The following PCDH9 variants were observed in gnomAD, a reference collection of about 807,000 sequenced individuals.
PCDH9 encodes protocadherin 9.
A neutral mutation model predicts 70.6 loss-of-function variants in PCDH9; 24 were observed. The observed-to-expected ratio is 0.34, with a 90% CI of 0.25 to 0.48. The LOEUF (loss-of-function observed/expected upper bound fraction) is 0.48, where lower values mean the gene tolerates loss of function less well. PCDH9 is among the 20% of genes least tolerant of loss of function. The pLI, the probability that PCDH9 is intolerant of heterozygous loss-of-function variation, is 0.99. For missense variants in PCDH9, 1,281 were observed against 1,503.6 expected (o/e 0.85, Z 2.45); for synonymous variants, 562 against 558.5 (o/e 1.01, Z -0.09).
At chr13:66,506,435 C>T (rs1959215617) in intron 4 of PCDH9, among the ~76,000 whole-genome samples, 1 of 152,002 alleles carries the variant, frequency 6.6e-6, no homozygotes, top group Non-Finnish European at 1.5e-5. Context: ...TATAAGGTTC[C>T]CCAGAGACAG....
intron 3 of PCDH9, among the ~76,000 whole-genome samples, chr13:66,777,879 AC>A: frequency 6.6e-6 from 1 of 152,222 alleles, no homozygotes; most frequent in East Asian, 1.9e-4. Flanking sequence ...CTTGGAAACA[AC>A]CCAAATGTCC....
At chr13:66,626,510 T>G (rs1349966401) in intron 4 of PCDH9, among the ~76,000 whole-genome samples, 2 of 152,144 alleles carry the variant, frequency 1.3e-5, no homozygotes, top group African/African-American at 4.8e-5. Flanking sequence ...GATGAGACAA[T>G]GGACATATAA....
intron 4 of PCDH9, among the ~76,000 whole-genome samples, chr13:66,392,916 C>G (rs1957044242): frequency 6.8e-6 from 1 of 146,332 alleles, no homozygotes; most frequent in African/African-American, 2.5e-5. Flanking sequence ...GAAGGTAACA[C>G]TTTAAAAACC....
intron 3 of PCDH9, among the ~76,000 whole-genome samples, chr13:66,660,043 T>G (rs151160032): frequency 0.011 from 1,611 of 152,254 alleles, 29 homozygotes; most frequent in African/African-American, 0.036. Context: ...CCTAAAATCT[T>G]TCTCTTTTTC....
chr13:67,221,180 T>A (rs2089716929), intron 2 of PCDH9: 2 of 152,090 alleles, frequency 1.3e-5, no homozygotes, highest in Non-Finnish European at 2.9e-5. Flanking sequence ...ATTGAAAATA[T>A]CTTAAAGATT....
intron 2 of PCDH9, among the ~76,000 whole-genome samples, chr13:66,924,676 A>G (rs1199989958): frequency 6.6e-6 from 1 of 151,912 alleles, no homozygotes; most frequent in Non-Finnish European, 1.5e-5. Context: ...TTATATAAAA[A>G]CTATATATAC....
At chr13:66,558,381 C>G (rs1961840417) in intron 4 of PCDH9, among the ~76,000 whole-genome samples, 1 of 151,842 alleles carries the variant, frequency 6.6e-6, no homozygotes, top group Non-Finnish European at 1.5e-5. Flanking sequence ...AGGGTTCTGT[C>G]CTGTGCTGTC....
At chr13:66,934,369 G>A (rs139843888) in intron 2 of PCDH9, among the ~76,000 whole-genome samples, 490 of 151,714 alleles carry the variant, frequency 3.2e-3, no homozygotes, top group Admixed American at 5.8e-3. Flanking sequence ...CCGAAACCCC[G>A]TCTCTAGTAA....
At chr13:66,637,666 C>T (rs771331596) in intron 3 of PCDH9, among the ~76,000 whole-genome samples, 2 of 152,066 alleles carry the variant, frequency 1.3e-5, no homozygotes, top group Non-Finnish European at 2.9e-5. Flanking sequence ...GTATTCCGAG[C>T]ACTTTGGGAG....
intron 4 of PCDH9, among the ~76,000 whole-genome samples, chr13:66,396,052 A>G (rs912843907): frequency 6.6e-6 from 1 of 152,192 alleles, no homozygotes; most frequent in African/African-American, 2.4e-5. Flanking sequence ...AGAAAGTAAG[A>G]GTAGGAAGGT....
At chr13:66,642,503 G>A (rs1164700165) in intron 3 of PCDH9, among the ~76,000 whole-genome samples, 1 of 151,782 alleles carries the variant, frequency 6.6e-6, no homozygotes, top group African/African-American at 2.4e-5. Flanking sequence ...TTCTTTATTA[G>A]GTACTTAATG....
intron 3 of PCDH9, among the ~76,000 whole-genome samples, chr13:66,645,507 A>G (rs947073278): frequency 6.6e-5 from 10 of 152,170 alleles, no homozygotes; most frequent in Non-Finnish European, 2.9e-5. Flanking sequence ...AGAGTACAAG[A>G]GAAAGTAGCT....
At chr13:66,795,807 C>T (rs927640771) in intron 3 of PCDH9, among the ~76,000 whole-genome samples, 2 of 152,162 alleles carry the variant, frequency 1.3e-5, no homozygotes, top group Middle Eastern at 3.2e-3. Flanking sequence ...TGAACTTTTA[C>T]TGTGGCTATA....
intron 4 of PCDH9, among the ~76,000 whole-genome samples, chr13:66,434,041 T>C (rs887637033): frequency 1.2e-4 from 18 of 151,936 alleles, no homozygotes; most frequent in African/African-American, 4.1e-4. Context: ...GTGATGTTGA[T>C]GGAGTTGTAT....
At chr13:66,937,393 GATCA>G (rs776059911) in intron 2 of PCDH9, among the ~76,000 whole-genome samples, 1 of 152,124 alleles carries the variant, frequency 6.6e-6, no homozygotes, top group Non-Finnish European at 1.5e-5. Flanking sequence ...AGAAAATTGG[GATCA>G]GATTTCTCTA....
intron 2 of PCDH9, among the ~76,000 whole-genome samples, chr13:66,992,218 C>T (rs2084017281): frequency 1.3e-5 from 2 of 152,112 alleles, no homozygotes; most frequent in African/African-American, 4.8e-5. Flanking sequence ...ATGTTTCGAT[C>T]ATCTCTACTG....
At chr13:67,001,678 G>C (rs775590941) in intron 2 of PCDH9, among the ~76,000 whole-genome samples, 1 of 152,172 alleles carries the variant, frequency 6.6e-6, no homozygotes, top group Non-Finnish European at 1.5e-5. Flanking sequence ...CGCTTAGTGG[G>C]GCAGAGGGGA....
At chr13:66,589,100 A>G (rs901048706) in intron 4 of PCDH9, among the ~76,000 whole-genome samples, 1 of 152,046 alleles carries the variant, frequency 6.6e-6, no homozygotes, top group African/African-American at 2.4e-5. Flanking sequence ...AAAGAAAATT[A>G]AATATGTCCT....
chr13:66,922,880 T>C (rs554436338), intron 2 of PCDH9, among the ~76,000 whole-genome samples: 260 of 151,588 alleles, frequency 1.7e-3, no homozygotes, highest in Middle Eastern at 6.8e-3. Flanking sequence ...ATTCATTTTT[T>C]TCATCTTTAA....
Sources: gnomAD v4.1 joint callset for allele counts (sites outside exome capture counted in the v4.1 genomes callset) on GRCh38, gnomAD v4.1.1 for gene constraint, MANE v1.5 for transcripts, NCBI Gene and HGNC (gene_info 2026-07-23, HGNC 2026-07-21) for gene names.